ADGRG7: variants seen among roughly 807,000 people sequenced by gnomAD.
ADGRG7 encodes G-protein coupled receptor 128.
ADGRG7 carries 82 observed loss-of-function variants against 88.6 expected under a neutral mutation model. The ratio of observed to expected loss-of-function variants is 0.93; its 90% CI spans 0.77 to 1.11. The LOEUF (loss-of-function observed/expected upper bound fraction) is 1.11, where lower values mean the gene tolerates loss of function less well. ADGRG7 is among the 50% of genes most tolerant of loss of function. The probability of loss-of-function intolerance (pLI) is 0.00; values close to 1 mark genes in which losing one functional copy is unlikely to be tolerated. For synonymous variants in ADGRG7, 381 were observed against 345.2 expected, an observed-to-expected ratio of 1.10 and a Z score of -1.15; for missense variants, 945 against 953.4, an observed-to-expected ratio of 0.99 and a Z score of 0.12.
chr3:100,684,257 C>CTATTTATTTATTTATTTATTTAATTTATT (rs2094978407), intron 15 of ADGRG7, among the ~76,000 whole-genome samples: 2 of 145,272 alleles, frequency 1.4e-5, no homozygotes, highest in Non-Finnish European at 3.0e-5. Flanking sequence ...TCCATTTTAT[C>CTATTTATTTATTTATTTATTTAATTTATT]TATTTATTTA....
chr3:100,637,685 G>T, intron 6 of ADGRG7: 1 of 339,340 alleles, frequency 2.9e-6, no homozygotes, highest in Middle Eastern at 8.7e-4. Context: ...AGTTTGGCAT[G>T]ACCAAGGGAC....
chr3:100,677,924 G>T (rs1156715176), intron 15 of ADGRG7, among the ~76,000 whole-genome samples: 2 of 151,940 alleles, frequency 1.3e-5, no homozygotes, highest in African/African-American at 4.8e-5. Flanking sequence ...AATCTGCTTG[G>T]TGTTCTATAA....
At chr3:100,690,101 C>T (rs1006941588) in intron 15 of ADGRG7, among the ~76,000 whole-genome samples, 2 of 152,116 alleles carry the variant, frequency 1.3e-5, no homozygotes, top group African/African-American at 2.4e-5. Flanking sequence ...CTAAACTTCC[C>T]GTCTCGCTTC....
At chr3:100,611,828 G>C (rs999230454) in intron 1 of ADGRG7, among the ~76,000 whole-genome samples, 1 of 152,138 alleles carries the variant, frequency 6.6e-6, no homozygotes, top group South Asian at 2.1e-4. Context: ...GAGTGCATTT[G>C]AGTTGGTAAA....
intron 14 of ADGRG7, chr3:100,664,936 C>T: frequency 3.0e-6 from 1 of 329,074 alleles, no homozygotes; most frequent in South Asian, 2.9e-5. Context: ...TTTTTCTTTA[C>T]TGCAGAAAAC....
At chr3:100,623,017 T>C (rs1454116034) in intron 1 of ADGRG7, among the ~76,000 whole-genome samples, 2 of 151,888 alleles carry the variant, frequency 1.3e-5, no homozygotes, top group Non-Finnish European at 2.9e-5. Context: ...ATCATCTCGG[T>C]CTCCCAAAAT....
intron 15 of ADGRG7, among the ~76,000 whole-genome samples, chr3:100,690,931 G>C (rs1438541449): frequency 6.6e-6 from 1 of 152,222 alleles, no homozygotes; most frequent in Non-Finnish European, 1.5e-5. Context: ...AGAGGTTACT[G>C]CTGCCTTTTG....
chr3:100,656,563 C>CT (rs1165093365), intron 13 of ADGRG7, among the ~76,000 whole-genome samples: 1 of 152,084 alleles, frequency 6.6e-6, no homozygotes, highest in Middle Eastern at 3.2e-3. Flanking sequence ...ATGACATTTG[C>CT]TTTTTTTGTG....
intron 15 of ADGRG7, among the ~76,000 whole-genome samples, chr3:100,674,565 T>C (rs1363466554): frequency 2.7e-5 from 4 of 148,130 alleles, no homozygotes; most frequent in Non-Finnish European, 5.9e-5. Context: ...TAAATAGGAT[T>C]GCTTTCTTAA....
chr3:100,624,240 G>A (rs1707351815), intron 1 of ADGRG7, among the ~76,000 whole-genome samples: 1 of 152,186 alleles, frequency 6.6e-6, no homozygotes, highest in Non-Finnish European at 1.5e-5. Context: ...TCTGACTGGT[G>A]TGAAATGATA....
intron 15 of ADGRG7, among the ~76,000 whole-genome samples, 180 bp from the exon 16 acceptor site, chr3:100,694,564 T>C (rs1037000200): frequency 1.3e-5 from 2 of 152,216 alleles, no homozygotes; most frequent in Admixed American, 1.3e-4. Context: ...TCTTTGTATA[T>C]GGGAAAACTT....
intron 15 of ADGRG7, among the ~76,000 whole-genome samples, chr3:100,690,598 C>G (rs1034701014): frequency 6.6e-6 from 1 of 152,202 alleles, no homozygotes; most frequent in African/African-American, 2.4e-5. Context: ...TCAGGACCCT[C>G]AGCTGCAGGT....
At chr3:100,689,383 G>A (rs993760255) in intron 15 of ADGRG7, among the ~76,000 whole-genome samples, 2 of 152,146 alleles carry the variant, frequency 1.3e-5, no homozygotes, top group African/African-American at 2.4e-5. Context: ...TTACATTTAA[G>A]GTTAATATTG....
chr3:100,689,518 A>T (rs1453173630), intron 15 of ADGRG7, among the ~76,000 whole-genome samples: 1 of 152,118 alleles, frequency 6.6e-6, no homozygotes, highest in Non-Finnish European at 1.5e-5. Flanking sequence ...GGTACCGGTT[A>T]TTCCTTTCCA....
At chr3:100,637,278 T>C (rs747875640) in intron 5 of ADGRG7, 24 bp from the exon 6 acceptor site, 1 of 1,447,714 alleles carries the variant, frequency 6.9e-7, no homozygotes, top group East Asian at 2.3e-5. Flanking sequence ...GCTTCTCTGA[T>C]GATCAGTATC....
chr3:100,629,833 T>G, intron 2 of ADGRG7, 122 bp downstream of exon 2: 1 of 657,062 alleles, frequency 1.5e-6, no homozygotes, highest in South Asian at 1.9e-5. Flanking sequence ...ATAATGATGA[T>G]GGCTTTAGGA....
chr3:100,657,599 T>A (rs113494966), intron 13 of ADGRG7, among the ~76,000 whole-genome samples: 1 of 152,190 alleles, frequency 6.6e-6, no homozygotes, highest in Non-Finnish European at 1.5e-5. Context: ...TCAAGTATTG[T>A]TTTTACACTG....
At chr3:100,620,253 C>T (rs1707291155) in intron 1 of ADGRG7, among the ~76,000 whole-genome samples, 1 of 152,166 alleles carries the variant, frequency 6.6e-6, no homozygotes, top group East Asian at 1.9e-4. Flanking sequence ...GCTGGTTCAA[C>T]ATACGCAAAT....
At chr3:100,647,748 T>C (rs1175862171) in intron 10 of ADGRG7, among the ~76,000 whole-genome samples, 1 of 152,194 alleles carries the variant, frequency 6.6e-6, no homozygotes, top group Admixed American at 6.5e-5. Flanking sequence ...ATGTTTTTTA[T>C]ACACAATGGA....
Sources: allele counts gnomAD v4.1 joint callset (sites outside exome capture counted in the v4.1 genomes callset), GRCh38; gene constraint gnomAD v4.1.1; transcripts MANE v1.5; gene names NCBI Gene and HGNC (gene_info 2026-07-23, HGNC 2026-07-21).